DLGAP1: variants seen among roughly 807,000 people sequenced by gnomAD.
DLGAP1 encodes the protein DLG associated protein 1.
In DLGAP1, 11 loss-of-function variants were observed where a neutral mutation model predicts 90.8. The ratio of observed to expected loss-of-function variants is 0.12; its 90% CI spans 0.08 to 0.20. The LOEUF is 0.20. Ranked by LOEUF, DLGAP1 falls within the 10% of genes least tolerant of loss-of-function variation. DLGAP1 has a pLI of 1.00. For synonymous variants in DLGAP1, 558 were observed against 540.7 expected, an observed-to-expected ratio of 1.03 and a Z score of -0.44; for missense variants, 1,050 against 1,333.8, an observed-to-expected ratio of 0.79 and a Z score of 3.31.
At chr18:3,632,767 G>A (rs1236979254) in intron 7 of DLGAP1, among the ~76,000 whole-genome samples, 1 of 151,612 alleles carries the variant, frequency 6.6e-6, no homozygotes, top group African/African-American at 2.4e-5. Context: ...TTTTTTTTCT[G>A]TAGAGGATTA....
intron 3 of DLGAP1, among the ~76,000 whole-genome samples, chr18:3,947,225 A>G (rs1673819094): frequency 6.6e-6 from 1 of 152,160 alleles, no homozygotes; most frequent in Non-Finnish European, 1.5e-5. Flanking sequence ...AAGAAACAGA[A>G]AGAACTCTCT....
Position 4,055,781 on chromosome 18 carries a change from C to T in DLGAP1, c.-158-50580G>A, listed in dbSNP as rs79314694. Among the ~76,000 whole-genome samples, 663 of 152,144 alleles carry T rather than the reference C, an allele frequency of 4.4e-3. 5 individuals are homozygous for T. Among genetic ancestry groups the T allele is most frequent in the African/African-American group, 0.015 (632 of 41,512 alleles). On this transcript the variant is annotated intron_variant, in intron 2 of 12. Coordinates refer to ENST00000315677, the MANE Select transcript of DLGAP1 (RefSeq NM_004746.4). ...GATGTGTGTGGGCCACCCCCATGTC[C>T]CTGTGCCATCAGAGGTGTGAGTTAA... is the stretch of plus-strand genomic sequence containing the variant.
intron 3 of DLGAP1, among the ~76,000 whole-genome samples, chr18:3,955,098 A>G (rs1393076877): frequency 6.6e-6 from 1 of 152,158 alleles, no homozygotes; most frequent in Non-Finnish European, 1.5e-5. Flanking sequence ...AGAAAAGATT[A>G]GAGAACAGTG....
At chr18:4,311,778 C>T (rs760372961) in intron 1 of DLGAP1, among the ~76,000 whole-genome samples, 57 of 152,224 alleles carry the variant, frequency 3.7e-4, no homozygotes, top group Non-Finnish European at 7.6e-4. Context: ...TGCAGTGGCG[C>T]AATCTCGGCT....
At chr18:3,765,117 C>CTTT (rs921982904) in intron 5 of DLGAP1, among the ~76,000 whole-genome samples, 65 of 126,362 alleles carry the variant, frequency 5.1e-4, no homozygotes, top group South Asian at 8.5e-4. Flanking sequence ...CACTTGCAAA[C>CTTT]TTTTTTTTTT....
chr18:4,414,776 C>A (rs1339980865), intron 1 of DLGAP1, among the ~76,000 whole-genome samples: 1 of 151,450 alleles, frequency 6.6e-6, no homozygotes, highest in East Asian at 1.9e-4. Flanking sequence ...AGACTACATT[C>A]TCTCTCAGCA....
chr18:4,218,013 CTT>C (rs113666349), intron 1 of DLGAP1, among the ~76,000 whole-genome samples: 9,268 of 151,802 alleles, frequency 0.061, 960 homozygotes, highest in African/African-American at 0.21. Context: ...GTTTTTCCCT[CTT>C]ATGTTATCTT....
At chr18:4,376,175 C>T (rs891863899) in intron 1 of DLGAP1, among the ~76,000 whole-genome samples, 1 of 152,152 alleles carries the variant, frequency 6.6e-6, no homozygotes, top group Admixed American at 6.6e-5. Context: ...ATTTCAAATA[C>T]AGTATGTCGG....
chr18:3,553,277 C>G (rs949732501), intron 9 of DLGAP1, among the ~76,000 whole-genome samples: 1 of 152,062 alleles, frequency 6.6e-6, no homozygotes, highest in African/African-American at 2.4e-5. Context: ...TGTTGTAAGA[C>G]TATACATAGG....
chr18:4,376,219 C>A (rs1169190721), intron 1 of DLGAP1, among the ~76,000 whole-genome samples: 1 of 152,116 alleles, frequency 6.6e-6, no homozygotes, highest in Non-Finnish European at 1.5e-5. Context: ...TGTCACTGGG[C>A]TCTCCTATGC....
At chr18:4,124,435 GAAGA>G (rs1247570342) in intron 2 of DLGAP1, among the ~76,000 whole-genome samples, 1 of 152,232 alleles carries the variant, frequency 6.6e-6, no homozygotes, top group Non-Finnish European at 1.5e-5. Context: ...TGGAGTAGAT[GAAGA>G]AAGAAAGATC....
Position 4,249,946 on chromosome 18 carries a change from A to C in DLGAP1, c.-266-98659T>G, listed in dbSNP as rs572225916. ...TTATAAACTCTTCTCTCTCTGTCCT[A>C]TTCCACTGTCCACAGTTATGTCTGA... On this transcript the variant is annotated intron_variant, in intron 1 of 12. Transcript: ENST00000315677. 2.6e-5 allele frequency among the ~76,000 whole-genome samples: 4 copies of C among 152,134 alleles called. No individual in the cohort carries two copies. In the East Asian group the frequency reaches 7.7e-4, roughly 29 times the overall value.
In DLGAP1 at chr18:3,729,607, C is replaced by T. The variant is rs1394207677; in HGVS notation, c.1351-232G>A. 1.3e-5 allele frequency among the ~76,000 whole-genome samples: 2 copies of T among 151,994 alleles called. No individual in the cohort carries two copies. The highest frequency in any genetic ancestry group is 4.8e-5 in the African/African-American group (2 of 41,320). On this transcript the variant is annotated intron_variant, in intron 6 of 12. Coordinates refer to ENST00000315677, the MANE Select transcript of DLGAP1 (RefSeq NM_004746.4). The surrounding 1 kb of genome is among the most constrained non-coding windows in gnomAD (Gnocchi z 6.2). ...TATTTTTAGTAGAGACAGGGTTTCA[C>T]CGTGTTGGCCAGGCTGGTCTCGAAC...
At position 4,378,759 on chromosome 18, in the gene DLGAP1, C is replaced by G. The variant is rs547428511; in HGVS notation, c.-267+76247G>C. ...TATCTGTTTTTATTTCCAACTCTTT[C>G]CTAAATAGATCTTCCCTCCTAACAG... is the stretch of plus-strand genomic sequence containing the variant. On this transcript the variant is annotated intron_variant, in intron 1 of 12. Transcript: ENST00000315677. This position sits in a 1 kb window ranked among gnomAD's most constrained non-coding sequence, Gnocchi z 4.5. 2.6e-5 allele frequency among the ~76,000 whole-genome samples: 4 copies of G among 152,188 alleles called. No homozygotes were observed. Among genetic ancestry groups the G allele is most frequent in the Admixed American group, 2.0e-4 (3 of 15,274 alleles).
chr18:3,765,464 A>T (rs2064197738), intron 5 of DLGAP1, among the ~76,000 whole-genome samples: 1 of 151,902 alleles, frequency 6.6e-6, no homozygotes, highest in Non-Finnish European at 1.5e-5. Context: ...TTTACACTTC[A>T]TTTAAACTGG....
At chr18:4,439,758 C>T (rs975707251) in intron 1 of DLGAP1, among the ~76,000 whole-genome samples, 1 of 151,550 alleles carries the variant, frequency 6.6e-6, no homozygotes, top group Admixed American at 6.6e-5. Flanking sequence ...TATGGTAAGC[C>T]ATGATCACAC....
chr18:4,336,360 T>A (rs1397088360), intron 1 of DLGAP1, among the ~76,000 whole-genome samples: 4 of 152,136 alleles, frequency 2.6e-5, no homozygotes, highest in Admixed American at 2.6e-4. Flanking sequence ...AAACAACACT[T>A]TGAGGACCAC....
chr18:4,093,481 G>A lies in DLGAP1; in HGVS notation c.-159+57699C>T, dbSNP rs188689555. On this transcript the variant is annotated intron_variant, in intron 2 of 12. Transcript: ENST00000315677. ...AAAATATTTAAGAAGTGGATTTTGC[G>A]TTTTGTCTGAAAGGAAGAATTCCTC... is the stretch of plus-strand genomic sequence containing the variant. Among the ~76,000 whole-genome samples the A allele has an allele frequency of 9.2e-5, 14 of 152,128 alleles. No individual in the cohort carries two copies. The East Asian group carries it at 1.4e-3, about 15-fold the overall frequency.
At chr18:3,657,035 C>T (rs925419238) in intron 7 of DLGAP1, among the ~76,000 whole-genome samples, 3 of 152,186 alleles carry the variant, frequency 2.0e-5, no homozygotes, top group East Asian at 1.9e-4. Context: ...CGTGAGCCAC[C>T]ACATTTGGCT....
Sources: allele counts gnomAD v4.1 joint callset (sites outside exome capture counted in the v4.1 genomes callset), GRCh38; gene constraint gnomAD v4.1.1; non-coding constraint Gnocchi (gnomAD v3.1); transcripts MANE v1.5; gene names NCBI Gene and HGNC (gene_info 2026-07-23, HGNC 2026-07-21).